GRID2: variants seen among roughly 807,000 people sequenced by gnomAD.
GRID2 encodes glutamate ionotropic receptor delta type subunit 2.
A neutral mutation model predicts 114.8 loss-of-function variants in GRID2; 33 were observed. That is an observed-to-expected ratio of 0.29 (90% CI 0.22 to 0.38). The LOEUF (loss-of-function observed/expected upper bound fraction) is 0.38, where lower values mean the gene tolerates loss of function less well. GRID2 is among the 10% of genes least tolerant of loss of function. The pLI is 1.00. For missense variants in GRID2, 1,184 were observed against 1,257.7 expected (o/e 0.94, Z 0.89); for synonymous variants, 505 against 449.9 (o/e 1.12, Z -1.55).
At chr4:92,769,066 T>C (rs1410365921) in intron 2 of GRID2, among the ~76,000 whole-genome samples, 4 of 152,312 alleles carry the variant, frequency 2.6e-5, no homozygotes, top group Non-Finnish European at 1.5e-5. Context: ...CCCTTCTGCC[T>C]ATGAGCCTGT....
chr4:93,174,970 C>T (rs1039885030), intron 4 of GRID2, among the ~76,000 whole-genome samples: 3 of 152,032 alleles, frequency 2.0e-5, no homozygotes, highest in Non-Finnish European at 4.4e-5. Context: ...TCTTATTTGT[C>T]TAGAGTAAAT....
chr4:93,785,593 CT>C (rs1734575250), intron 1 of GRID2, among the ~76,000 whole-genome samples: 1 of 152,100 alleles, frequency 6.6e-6, no homozygotes, highest in South Asian at 2.1e-4. Context: ...CCTTGTAATG[CT>C]TCATTAACCG....
intron 2 of GRID2, among the ~76,000 whole-genome samples, chr4:92,780,923 G>C (rs1739044002): frequency 6.6e-6 from 1 of 151,960 alleles, no homozygotes; most frequent in South Asian, 2.1e-4. Context: ...TACTTGTCAG[G>C]GTTTTTGATC....
intron 1 of GRID2, among the ~76,000 whole-genome samples, chr4:92,553,143 A>C (rs1372772969): frequency 6.6e-6 from 1 of 152,158 alleles, no homozygotes; most frequent in Admixed American, 6.6e-5. Flanking sequence ...CTTTCCCTTT[A>C]TGGAACTTAG....
At chr4:92,942,920 A>T (rs888376871) in intron 2 of GRID2, among the ~76,000 whole-genome samples, 1 of 152,130 alleles carries the variant, frequency 6.6e-6, no homozygotes, top group South Asian at 2.1e-4. Context: ...TGGCTTGTAG[A>T]GTTTCTGCCG....
chr4:93,471,118 T>A (rs1724761414), intron 11 of GRID2, among the ~76,000 whole-genome samples: 1 of 152,112 alleles, frequency 6.6e-6, no homozygotes, highest in South Asian at 2.1e-4. Context: ...AAAATATAGA[T>A]TTAATTTTTA....
At chr4:92,989,536 T>C (rs1754736978) in intron 2 of GRID2, among the ~76,000 whole-genome samples, 1 of 151,884 alleles carries the variant, frequency 6.6e-6, no homozygotes, top group South Asian at 2.1e-4. Context: ...AAAAAAAAGG[T>C]ACGATAGGTT....
chr4:93,328,766 G>T (rs1422688066), intron 8 of GRID2, among the ~76,000 whole-genome samples: 1 of 151,882 alleles, frequency 6.6e-6, no homozygotes, highest in Non-Finnish European at 1.5e-5. Flanking sequence ...TGATACTCAG[G>T]TGGAGCTGCT....
At chr4:93,621,759 A>G (rs1042555817) in intron 13 of GRID2, among the ~76,000 whole-genome samples, 1 of 152,230 alleles carries the variant, frequency 6.6e-6, no homozygotes, top group Non-Finnish European at 1.5e-5. Context: ...TTAAAAGCTA[A>G]AATAGTTTGG....
At chr4:92,442,210 G>A (rs943193992) in intron 1 of GRID2, among the ~76,000 whole-genome samples, 4 of 151,756 alleles carry the variant, frequency 2.6e-5, no homozygotes, top group Admixed American at 6.6e-5. Flanking sequence ...CTTCCGAGGC[G>A]ATCGGGCGGT....
intron 8 of GRID2, among the ~76,000 whole-genome samples, chr4:93,270,512 T>C (rs574636840): frequency 1.6e-4 from 24 of 152,186 alleles, no homozygotes; most frequent in Non-Finnish European, 2.9e-4. Context: ...TTACGAGTCT[T>C]ACTGTTACAG....
At chr4:92,416,313 C>T (rs959180644) in intron 1 of GRID2, among the ~76,000 whole-genome samples, 1 of 152,158 alleles carries the variant, frequency 6.6e-6, no homozygotes, top group South Asian at 2.1e-4. Flanking sequence ...CGTCCTTTGT[C>T]GGATGCATAG....
At chr4:93,765,505 A>G (rs1238887317) in intron 14 of GRID2, among the ~76,000 whole-genome samples, 7 of 151,652 alleles carry the variant, frequency 4.6e-5, no homozygotes, top group Admixed American at 2.0e-4. Flanking sequence ...CCCCTCGATG[A>G]TCTCCTATCG....
intron 1 of GRID2, among the ~76,000 whole-genome samples, chr4:92,449,098 T>C (rs1312790325): frequency 1.3e-5 from 2 of 152,142 alleles, no homozygotes; most frequent in Admixed American, 6.6e-5. Flanking sequence ...ATTTCTCCCA[T>C]AATTATACAT....
intron 2 of GRID2, among the ~76,000 whole-genome samples, chr4:92,899,175 ATTTATAC>A (rs2149478301): frequency 6.6e-6 from 1 of 151,038 alleles, no homozygotes; most frequent in African/African-American, 2.4e-5. Flanking sequence ...AATAGGAGTA[ATTTATAC>A]TTTATATAAT....
chr4:92,496,181 T>A (rs1723379534), intron 1 of GRID2, among the ~76,000 whole-genome samples: 1 of 151,894 alleles, frequency 6.6e-6, no homozygotes, highest in Non-Finnish European at 1.5e-5. Context: ...TTTATTTATT[T>A]TAAAAAACTG....
chr4:92,886,242 AT>A (rs1269576960), intron 2 of GRID2, among the ~76,000 whole-genome samples: 1 of 152,198 alleles, frequency 6.6e-6, no homozygotes, highest in East Asian at 1.9e-4. Context: ...AGCATGGTTT[AT>A]ATAAGCATGG....
chr4:92,947,711 T>A (rs1335867854), intron 2 of GRID2, among the ~76,000 whole-genome samples: 2 of 151,826 alleles, frequency 1.3e-5, no homozygotes, highest in Non-Finnish European at 2.9e-5. Flanking sequence ...TGTGTGTGCG[T>A]GTATATGTGT....
At chr4:93,458,398 G>T (rs181261230) in intron 11 of GRID2, among the ~76,000 whole-genome samples, 2 of 152,276 alleles carry the variant, frequency 1.3e-5, no homozygotes, top group Admixed American at 1.3e-4. Flanking sequence ...CATGTCTGGT[G>T]GTTGATGCGG....
Sources: allele counts gnomAD v4.1 joint callset (sites outside exome capture counted in the v4.1 genomes callset), GRCh38; gene constraint gnomAD v4.1.1; transcripts MANE v1.5; gene names NCBI Gene and HGNC (gene_info 2026-07-23, HGNC 2026-07-21).